Variants in HEATR4 observed in about 807,000 individuals in gnomAD.
The protein encoded by HEATR4 is HEAT repeat-containing protein 4.
In HEATR4, 95 loss-of-function variants were observed where a neutral mutation model predicts 108.8. The ratio of observed to expected loss-of-function variants is 0.87; its 90% CI spans 0.74 to 1.04. HEATR4 has a LOEUF of 1.04. HEATR4 is among the 50% of genes least tolerant of loss of function. HEATR4 has a pLI of 0.00. For missense variants in HEATR4, 1,152 were observed against 1,253.8 expected, an observed-to-expected ratio of 0.92 and a Z score of 1.23; for synonymous variants, 443 against 459.4, an observed-to-expected ratio of 0.96 and a Z score of 0.46.
rs376990202 is a variant in HEATR4, at chr14:73,481,961, G to A, written c.2845-3119C>T. ...TGCAGTGAGCCATGATCATACCACTGCAACTCCAGCTTAGGCAACAGGAGG... is the reference window on the plus strand; with the variant it reads ...TGCAGTGAGCCATGATCATACCACTACAACTCCAGCTTAGGCAACAGGAGG... On this transcript the variant is annotated intron_variant, in intron 17 of 17. Transcript: ENST00000553558. Among the ~76,000 whole-genome samples the A allele has an allele frequency of 1.0e-3, 152 of 152,228 alleles. 1 individual carries two copies. In the South Asian group the frequency reaches 0.031, roughly 31 times the overall value.
At chr14:73,583,957 C>T in the HEATR4 span, among the ~76,000 whole-genome samples, 155 of 151,722 alleles carry the variant, frequency 1.0e-3, 3 homozygotes, top group Non-Finnish European at 1.9e-3. Flanking sequence ...GCTGAGACCA[C>T]GCCATTGCAC....
chr14:73,593,758 G>A, the HEATR4 span: 2 of 1,613,868 alleles, frequency 1.2e-6, no homozygotes, highest in Non-Finnish European at 1.7e-6. Context: ...GGGCCTCTTG[G>A]AATATCGAGC....
chr14:73,522,708 T>G lies in HEATR4; in HGVS notation c.445A>C (p.Lys149Gln), dbSNP rs1420533716. Residue 149 changes from lysine to glutamine, a missense_variant, in exon 3 of 18, where the codon AAG (lysine) becomes CAG (glutamine). Transcript: ENST00000553558. ...ACGGTGCTGGCTGGCTTTGATTTCTTCAGCTTCTTTTCGGGATTGGCAGAG... is the reference window on the plus strand; with the variant it reads ...ACGGTGCTGGCTGGCTTTGATTTCTGCAGCTTCTTTTCGGGATTGGCAGAG... ...ESSANPEKKL[K>Q]KSKPASTVRE... The G allele has an allele frequency of 1.2e-6, 2 of 1,614,246 alleles. No homozygotes were observed. The highest frequency in any genetic ancestry group is 2.7e-5 in the African/African-American group (2 of 75,060).
chr14:73,540,310 C>T (rs1889033746), intron 1 of HEATR4, among the ~76,000 whole-genome samples: 1 of 151,016 alleles, frequency 6.6e-6, no homozygotes, highest in Admixed American at 6.6e-5. Flanking sequence ...GCAAAGTCAA[C>T]TGGAAACAGT....
chr14:73,619,565 G>A, the HEATR4 span: 1 of 1,614,232 alleles, frequency 6.2e-7, no homozygotes, highest in African/African-American at 1.3e-5. Context: ...AGCTGGAAGA[G>A]TGAATTCTAT....
chr14:73,588,847 C>T, the HEATR4 span, among the ~76,000 whole-genome samples: 1 of 151,992 alleles, frequency 6.6e-6, no homozygotes, highest in Non-Finnish European at 1.5e-5. Context: ...GACATGAACC[C>T]TGGACCCTCA....
the HEATR4 span, among the ~76,000 whole-genome samples, chr14:73,592,652 A>T: frequency 5.3e-5 from 8 of 152,174 alleles, no homozygotes; most frequent in African/African-American, 1.9e-4. Context: ...CAGGAGTTTG[A>T]GACCAGACTG....
chr14:73,576,813 A>AG, the HEATR4 span, among the ~76,000 whole-genome samples: 1 of 148,808 alleles, frequency 6.7e-6, no homozygotes, highest in Non-Finnish European at 1.5e-5. Context: ...AAAAAAAAAA[A>AG]AAAAAAAGAC....
intron 4 of HEATR4, 76 bp from the exon 5 acceptor site, chr14:73,519,239 G>A (rs1887822999): frequency 2.7e-6 from 4 of 1,459,436 alleles, no homozygotes; most frequent in South Asian, 2.8e-5. Flanking sequence ...TAATCACCAG[G>A]ATCAGACCCA....
At chr14:73,624,553 G>T in the HEATR4 span, among the ~76,000 whole-genome samples, 1 of 152,114 alleles carries the variant, frequency 6.6e-6, no homozygotes, top group African/African-American at 2.4e-5. Flanking sequence ...AGTGAACCAT[G>T]ATCACACCAC....
the HEATR4 span, among the ~76,000 whole-genome samples, chr14:73,579,161 C>T: frequency 6.8e-6 from 1 of 148,008 alleles, no homozygotes; most frequent in Non-Finnish European, 1.5e-5. Flanking sequence ...GAGGCTGAGG[C>T]AGGACAATTG....
chr14:73,551,572 C>A (rs1197505745), intron 1 of HEATR4, among the ~76,000 whole-genome samples: 1 of 113,446 alleles, frequency 8.8e-6, no homozygotes, highest in Non-Finnish European at 1.9e-5. Flanking sequence ...CTTTGGGAGG[C>A]TGAGGTGGAT....
the HEATR4 span, among the ~76,000 whole-genome samples, chr14:73,613,787 G>A: frequency 5.3e-5 from 8 of 152,146 alleles, no homozygotes; most frequent in African/African-American, 1.7e-4. Context: ...CTGAGGTTGA[G>A]GAACCCTAGT....
chr14:73,600,809 A>C, the HEATR4 span, among the ~76,000 whole-genome samples: 1 of 152,098 alleles, frequency 6.6e-6, no homozygotes, highest in East Asian at 1.9e-4. Context: ...AGTGGGTTTC[A>C]CTCCACTAGA....
At chr14:73,552,064 G>T (rs532695390) in intron 1 of HEATR4, among the ~76,000 whole-genome samples, 11 of 114,242 alleles carry the variant, frequency 9.6e-5, no homozygotes, top group Admixed American at 3.0e-4. Flanking sequence ...TGCCCGGTCA[G>T]GTCTCTTCCA....
the HEATR4 span, among the ~76,000 whole-genome samples, chr14:73,604,642 C>T: frequency 9.9e-5 from 15 of 152,074 alleles, no homozygotes; most frequent in African/African-American, 3.1e-4. Context: ...TGCGCCACCA[C>T]ACCTGGCTAA....
At chr14:73,480,469 G>T (rs1476773335) in intron 17 of HEATR4, among the ~76,000 whole-genome samples, 1 of 151,552 alleles carries the variant, frequency 6.6e-6, no homozygotes, top group Non-Finnish European at 1.5e-5. Context: ...CAATTATAAT[G>T]GACCATATTA....
At chr14:73,490,643 C>CG (rs1384338576) in intron 17 of HEATR4, among the ~76,000 whole-genome samples, 3 of 152,114 alleles carry the variant, frequency 2.0e-5, no homozygotes, top group Non-Finnish European at 2.9e-5. Flanking sequence ...TTAGTACAGA[C>CG]GGGGTTTCAC....
At chr14:73,586,349 A>T in the HEATR4 span, among the ~76,000 whole-genome samples, 4 of 151,830 alleles carry the variant, frequency 2.6e-5, no homozygotes, top group African/African-American at 9.7e-5. Context: ...AGCCGAGATC[A>T]CGCCATTGCA....
Sources: allele counts gnomAD v4.1 joint callset (sites outside exome capture counted in the v4.1 genomes callset), GRCh38; gene constraint gnomAD v4.1.1; transcripts MANE v1.5; gene names NCBI Gene and HGNC (gene_info 2026-07-23, HGNC 2026-07-21).